The following ASS1 variants were observed in gnomAD, a reference collection of about 807,000 sequenced individuals.
ASS1 encodes the protein argininosuccinate synthase 1.
ASS1 carries 58 observed loss-of-function variants against 60.5 expected under a neutral mutation model. That is an observed-to-expected ratio of 0.96 (90% confidence interval 0.78 to 1.19). The LOEUF (loss-of-function observed/expected upper bound fraction) is 1.19, where lower values mean the gene tolerates loss of function less well. Ranked by LOEUF, ASS1 falls within the 50% of genes most tolerant of loss-of-function variation. The pLI, the probability that ASS1 is intolerant of heterozygous loss-of-function variation, is 0.00. For synonymous variants in ASS1, 200 were observed against 206.9 expected, an observed-to-expected ratio of 0.97 and a Z score of 0.29; for missense variants, 454 against 547.3, an observed-to-expected ratio of 0.83 and a Z score of 1.70.
At chr9:130,464,744 C>T (rs1403540617) in intron 5 of ASS1, among the ~76,000 whole-genome samples, 1 of 152,020 alleles carries the variant, frequency 6.6e-6, no homozygotes, top group Non-Finnish European at 1.5e-5. Flanking sequence ...GTGGGTATTG[C>T]CCAGACTGCT....
At chr9:130,458,690 C>A in intron 4 of ASS1, 101 bp downstream of exon 4, 1 of 1,471,120 alleles carries the variant, frequency 6.8e-7, no homozygotes, top group South Asian at 1.3e-5. Context: ...GCCTCCGGGG[C>A]AGACTTGGTG....
chr9:130,489,383 A>G lies in ASS1; in HGVS notation c.889A>G (p.Ile297Val), dbSNP rs757629975. The change falls in exon 12 of 15, where the codon ATC (isoleucine) becomes GTC (valine). Residue 297 changes from isoleucine to valine, a missense_variant. Transcript: ENST00000352480. This position sits in a 1 kb window ranked among gnomAD's most constrained non-coding sequence, Gnocchi z 4.1. The part of the protein sequence containing the change: ...GTILYHAHLD[I>V]EAFTMDREVR... ...CATCCTTTACCATGCTCATTTAGACATCGAGGCCTTCACCATGGACCGGGA... is the reference window on the plus strand; with the variant it reads ...CATCCTTTACCATGCTCATTTAGACGTCGAGGCCTTCACCATGGACCGGGA... 1.2e-5 allele frequency: 20 copies of G among 1,613,940 alleles called. No homozygotes were observed. In the Admixed American group the frequency reaches 3.3e-4, roughly 27 times the overall value.
rs757523152 is a variant in ASS1, at chr9:130,501,026, G to C, written c.*5G>C. The C allele has an allele frequency of 1.2e-6, 2 of 1,612,088 alleles. No homozygotes were observed. The highest frequency in any genetic ancestry group is 1.1e-5 in the South Asian group (1 of 91,064). ...AGCAAGGTCACTGCCAAATAGACCC[G>C]TGTACAATGAGGAGCTGGGGCCTCC... On this transcript the variant is annotated 3_prime_UTR_variant, in exon 15 of 15. Transcript: ENST00000352480.
At chr9:130,496,228 C>T (rs1261884728) in intron 13 of ASS1, among the ~76,000 whole-genome samples, 1 of 151,700 alleles carries the variant, frequency 6.6e-6, no homozygotes, top group Non-Finnish European at 1.5e-5. Flanking sequence ...CAAGACCAGC[C>T]TGGGCAACAT....
intron 13 of ASS1, 52 bp from the exon 14 acceptor site, chr9:130,499,453 C>CA: frequency 6.3e-7 from 1 of 1,584,442 alleles, no homozygotes; most frequent in Non-Finnish European, 8.6e-7. Flanking sequence ...GTCCTCCCTT[C>CA]AAGCAGAGGC....
At chr9:130,480,347 G>A (rs761484400) in intron 10 of ASS1, 38 bp from the exon 11 acceptor site, 119 of 1,613,472 alleles carry the variant, frequency 7.4e-5, no homozygotes, top group South Asian at 4.0e-4. Flanking sequence ...TGAGCCTTGC[G>A]GTAGCGCCCG....
At position 130,494,449 on chromosome 9, in the gene ASS1, G is replaced by C. The variant is rs977463876; in HGVS notation, c.971-418G>C. Among the ~76,000 whole-genome samples, 2 of 152,234 alleles carry C rather than the reference G, an allele frequency of 1.3e-5. No individual in the cohort carries two copies. Among genetic ancestry groups the C allele is most frequent in the Non-Finnish European group, 2.9e-5 (2 of 68,032 alleles). Reference sequence around the variant, plus strand: ...TGGACACCCATATCACCAAGCCCCAGGCAGCATGTGCCTCTGAGTCCTGTC... The same window carrying C: ...TGGACACCCATATCACCAAGCCCCACGCAGCATGTGCCTCTGAGTCCTGTC... On this transcript the variant is annotated intron_variant, in intron 12 of 14. Transcript: ENST00000352480. This position sits in a 1 kb window ranked among gnomAD's most constrained non-coding sequence, Gnocchi z 4.3.
At chr9:130,479,684 C>G (rs1477510174) in intron 9 of ASS1, 32 bp from the exon 10 acceptor site, 1 of 1,552,572 alleles carries the variant, frequency 6.4e-7, no homozygotes, top group Non-Finnish European at 8.9e-7. Context: ...GAGCCGGGCC[C>G]AGAGGCCCAC....
intron 4 of ASS1, 118 bp from the exon 5 acceptor site, chr9:130,463,993 G>A (rs1188946511): frequency 9.4e-7 from 1 of 1,058,466 alleles, no homozygotes; most frequent in South Asian, 1.3e-5. Flanking sequence ...GACCTCACAT[G>A]TGTACACGCT....
At chr9:130,449,342 G>GGA (rs1845272902) in intron 1 of ASS1, among the ~76,000 whole-genome samples, 1 of 91,524 alleles carries the variant, frequency 1.1e-5, no homozygotes, top group African/African-American at 4.4e-5. Context: ...GACCCTGTCT[G>GGA]AAAAAAAAAA....
intron 3 of ASS1, among the ~76,000 whole-genome samples, chr9:130,457,437 C>T (rs1845472532): frequency 6.6e-6 from 1 of 152,132 alleles, no homozygotes; most frequent in Admixed American, 6.5e-5. Flanking sequence ...CACCACTGCA[C>T]TCCAGTCTGG....
chr9:130,476,457 A>C lies in ASS1; in HGVS notation c.598-414A>C. On this transcript the variant is annotated intron_variant, in intron 8 of 14. Coordinates refer to ENST00000352480, the MANE Select transcript of ASS1 (RefSeq NM_054012.4). The surrounding 1 kb of genome is among the most constrained non-coding windows in gnomAD (Gnocchi z 4.9). Reference sequence around the variant, plus strand: ...CAGAGCACCTGCTGGGGTCACAGGCAGTCATTAGCTTTGCGGTCAGTGCAG... The same window carrying C: ...CAGAGCACCTGCTGGGGTCACAGGCCGTCATTAGCTTTGCGGTCAGTGCAG... The C allele has an allele frequency of 4.1e-6, 1 of 244,802 alleles. No homozygotes were observed. Among genetic ancestry groups the C allele is most frequent in the Non-Finnish European group, 8.0e-6 (1 of 125,684 alleles). The allele number at this position is 244,802 out of a possible 1,614,324, so 15.2% of individuals were successfully genotyped here.
At position 130,479,833 on chromosome 9, in the gene ASS1, G is replaced by A. The variant is rs1469989406; in HGVS notation, c.773+33G>A. On this transcript the variant is annotated intron_variant, in intron 10 of 14. Transcript: ENST00000352480. ...TCTGCAGCCCTGTCCGGCCTCTTGG[G>A]AACCGCCGTCTCGGGCGAGCACGAG... The A allele has an allele frequency of 3.8e-6, 6 of 1,598,372 alleles. No homozygotes were observed. The East Asian group carries it at 1.3e-4, about 36-fold the overall frequency.
chr9:130,479,876 A>G (rs747286627), intron 10 of ASS1, 76 bp downstream of exon 10: 1 of 1,476,234 alleles, frequency 6.8e-7, no homozygotes, highest in East Asian at 2.3e-5. Flanking sequence ...CGTTGCAGCT[A>G]ATGGTTGTGG....
intron 6 of ASS1, among the ~76,000 whole-genome samples, chr9:130,468,561 C>T (rs1845798438): frequency 6.6e-6 from 1 of 152,060 alleles, no homozygotes; most frequent in Non-Finnish European, 1.5e-5. Context: ...ACAAACGTGC[C>T]CTAGTACATC....
chr9:130,454,107 T>A (rs1845383824), intron 2 of ASS1, among the ~76,000 whole-genome samples, 198 bp from the exon 3 acceptor site: 1 of 152,180 alleles, frequency 6.6e-6, no homozygotes, highest in East Asian at 1.9e-4. Context: ...CACGCTACAA[T>A]CCAGCTCCCA....
chr9:130,449,664 A>G lies in ASS1; in HGVS notation c.-5-2560A>G, dbSNP rs564666767. Among the ~76,000 whole-genome samples, 35 of 152,194 alleles carry G rather than the reference A, an allele frequency of 2.3e-4. 1 individual carries two copies. The highest frequency in any genetic ancestry group is 2.2e-3 in the Admixed American group (34 of 15,282). ...AGTTGGAGTCCTGGCTCTGCTGCCT[A>G]CCAGTCAAACGAGATGCAGGGCAAG... On this transcript the variant is annotated intron_variant, in intron 1 of 14. Transcript: ENST00000352480.
At chr9:130,471,538 C>T in intron 8 of ASS1, 23 bp downstream of exon 8, 1 of 1,611,332 alleles carries the variant, frequency 6.2e-7, no homozygotes, top group Non-Finnish European at 8.5e-7. Context: ...ACCCCATCTC[C>T]TCCCAGCTGG....
rs1845388353 is a variant in ASS1 at position 130,454,312 on chromosome 9, T to C, written c.113T>C (p.Ile38Thr). ...TCCGCTTCTGCTTCTCAGGCCAACA[T>C]TGGCCAGAAGGAAGACTTCGAGGAA... Reference protein sequence around the residue: ...GYDVIAYLANIGQKEDFEEAR... With the variant: ...GYDVIAYLANTGQKEDFEEAR... Residue 38 changes from isoleucine to threonine, a missense_variant, in exon 3 of 15, where the codon ATT (isoleucine) becomes ACT (threonine). By Grantham distance (89) the Ile-to-Thr change is moderately conservative (BLOSUM62 -1). Transcript: ENST00000352480. 6.2e-7 allele frequency: 1 copy of C among 1,611,772 alleles called. No homozygotes were observed. The highest frequency in any genetic ancestry group is 8.5e-7 in the Non-Finnish European group (1 of 1,179,384).
Sources: allele counts gnomAD v4.1 joint callset (sites outside exome capture counted in the v4.1 genomes callset), GRCh38; gene constraint gnomAD v4.1.1; non-coding constraint Gnocchi (gnomAD v3.1); transcripts MANE v1.5; gene names NCBI Gene and HGNC (gene_info 2026-07-23, HGNC 2026-07-21).